BACH2: variants seen among roughly 807,000 people sequenced by gnomAD.
BACH2 encodes transcription regulator protein BACH2.
In BACH2, 5 loss-of-function variants were observed where a neutral mutation model predicts 61.8. The observed-to-expected ratio is 0.08, with a 90% confidence interval of 0.04 to 0.17. The LOEUF is 0.17. Ranked by LOEUF, BACH2 falls within the 10% of genes least tolerant of loss-of-function variation. The pLI is 1.00. For synonymous variants in BACH2, 446 were observed against 440.1 expected (o/e 1.01, Z -0.17); for missense variants, 824 against 1,091.1 (o/e 0.76, Z 3.45).
At chr6:90,094,399 A>G (rs529740079) in intron 4 of BACH2, among the ~76,000 whole-genome samples, 1 of 152,316 alleles carries the variant, frequency 6.6e-6, no homozygotes, top group African/African-American at 2.4e-5. Flanking sequence ...TTACATTACA[A>G]ATCTAATACC....
At chr6:89,968,813 C>A (rs1033578869) in intron 6 of BACH2, among the ~76,000 whole-genome samples, 1 of 152,112 alleles carries the variant, frequency 6.6e-6, no homozygotes, top group East Asian at 1.9e-4. Flanking sequence ...GAATTCCAGA[C>A]CAGCCTGACC....
At chr6:89,943,656 G>A (rs1450211712) in intron 7 of BACH2, among the ~76,000 whole-genome samples, 1 of 152,106 alleles carries the variant, frequency 6.6e-6, no homozygotes, top group Admixed American at 6.5e-5. Context: ...TAGTGTCTCT[G>A]CTTTGCTGGG....
chr6:89,987,123 T>C (rs1025040181), intron 6 of BACH2, among the ~76,000 whole-genome samples: 1 of 152,136 alleles, frequency 6.6e-6, no homozygotes, highest in African/African-American at 2.4e-5. Context: ...GGATCCCAAA[T>C]GATGACCCAG....
chr6:90,170,905 G>T (rs1767789061), intron 4 of BACH2, among the ~76,000 whole-genome samples: 2 of 152,146 alleles, frequency 1.3e-5, no homozygotes, highest in African/African-American at 4.8e-5. Context: ...AGAGAAGTAA[G>T]TAGGTAAGTC....
intron 4 of BACH2, among the ~76,000 whole-genome samples, chr6:90,198,279 G>A (rs923384076): frequency 1.3e-5 from 2 of 152,170 alleles, no homozygotes; most frequent in African/African-American, 4.8e-5. Flanking sequence ...CGTGTGTCCA[G>A]AGAATAAAGC....
intron 4 of BACH2, among the ~76,000 whole-genome samples, chr6:90,174,211 C>T (rs1248553488): frequency 6.6e-6 from 1 of 151,472 alleles, no homozygotes; most frequent in Non-Finnish European, 1.5e-5. Context: ...TAATAATTTC[C>T]AAAGAAAAAT....
intron 7 of BACH2, among the ~76,000 whole-genome samples, chr6:89,946,857 A>G (rs1198787907): frequency 1.3e-5 from 2 of 152,170 alleles, no homozygotes; most frequent in African/African-American, 4.8e-5. Flanking sequence ...TAAAAAGCTG[A>G]TTATTGATAA....
intron 3 of BACH2, among the ~76,000 whole-genome samples, chr6:90,219,041 G>C (rs1182436991): frequency 1.3e-5 from 2 of 151,628 alleles, no homozygotes; most frequent in Admixed American, 1.3e-4. Context: ...GAAAACAGTA[G>C]ACTTCAGTGG....
intron 5 of BACH2, among the ~76,000 whole-genome samples, chr6:90,024,164 C>T (rs1778517799): frequency 1.3e-5 from 2 of 152,058 alleles, no homozygotes; most frequent in South Asian, 4.1e-4. Context: ...TATCCCAGCT[C>T]CCCCAAATTA....
intron 5 of BACH2, among the ~76,000 whole-genome samples, chr6:90,085,921 T>A (rs1017506776): frequency 7.2e-5 from 11 of 152,288 alleles, no homozygotes; most frequent in African/African-American, 2.2e-4. Context: ...GTCATCATCA[T>A]TCATCTCCGG....
chr6:90,202,266 C>T (rs1025730104), intron 4 of BACH2, among the ~76,000 whole-genome samples: 1 of 152,134 alleles, frequency 6.6e-6, no homozygotes, highest in Non-Finnish European at 1.5e-5. Context: ...TTCACAGCTT[C>T]ATATGAAGGA....
At chr6:90,062,029 T>C (rs1241796090) in intron 5 of BACH2, among the ~76,000 whole-genome samples, 2 of 152,188 alleles carry the variant, frequency 1.3e-5, no homozygotes, top group Non-Finnish European at 2.9e-5. Flanking sequence ...TGGGGCAGTA[T>C]TAAAGATTTT....
In BACH2 at chr6:89,933,160, G is replaced by A. The variant is rs575133862; in HGVS notation, c.2044-270C>T. ...GGCAAACAACCGGCAAAATCGTCAC[G>A]AATCAGAAAACTTCAGAGTCCATGT... On this transcript the variant is annotated intron_variant, in intron 8 of 8. Coordinates refer to ENST00000257749, the MANE Select transcript of BACH2 (RefSeq NM_021813.4). Among the ~76,000 whole-genome samples, 11 of 152,156 alleles carry A rather than the reference G, an allele frequency of 7.2e-5. No homozygotes were observed. In the East Asian group the frequency reaches 1.4e-3, roughly 19 times the overall value.
In BACH2 at chr6:90,132,619, C is replaced by T. The variant is rs181738443; in HGVS notation, c.-161-43510G>A. Among the ~76,000 whole-genome samples the T allele has an allele frequency of 3.3e-5, 5 of 152,190 alleles. No individual in the cohort carries two copies. The East Asian group carries it at 9.6e-4, about 29-fold the overall frequency. On this transcript the variant is annotated intron_variant, in intron 4 of 8. Transcript: ENST00000257749. ...ATTTTTGTGCAGGTTCCTCCTCCCA[C>T]CCCTACCGTGGCTACACCATTACAA...
At chr6:90,022,985 T>C (rs567898406) in intron 5 of BACH2, among the ~76,000 whole-genome samples, 1 of 152,346 alleles carries the variant, frequency 6.6e-6, no homozygotes, top group African/African-American at 2.4e-5. Context: ...CGTAGCAGAA[T>C]GCAGAAATAC....
chr6:90,162,036 AC>A (rs1785209300), intron 4 of BACH2, among the ~76,000 whole-genome samples: 1 of 152,028 alleles, frequency 6.6e-6, no homozygotes, highest in South Asian at 2.1e-4. Context: ...CCTGAGCCGG[AC>A]CCAACAATGC....
intron 4 of BACH2, among the ~76,000 whole-genome samples, chr6:90,171,126 C>G (rs1181096809): frequency 6.6e-6 from 1 of 151,936 alleles, no homozygotes; most frequent in African/African-American, 2.4e-5. Context: ...AATACAAAGC[C>G]CAGGCTGGGT....
At chr6:90,261,056 C>T (rs1359211165) in intron 2 of BACH2, among the ~76,000 whole-genome samples, 1 of 152,188 alleles carries the variant, frequency 6.6e-6, no homozygotes, top group Admixed American at 6.5e-5. Context: ...AGCAGTTGGG[C>T]CATCAGTCAA....
intron 6 of BACH2, among the ~76,000 whole-genome samples, chr6:89,970,859 T>A (rs1286967049): frequency 6.6e-6 from 1 of 152,164 alleles, no homozygotes; most frequent in African/African-American, 2.4e-5. Flanking sequence ...TATTTCTATA[T>A]CTGGGTCGCA....
Sources: allele counts gnomAD v4.1 joint callset (sites outside exome capture counted in the v4.1 genomes callset), GRCh38; gene constraint gnomAD v4.1.1; transcripts MANE v1.5; gene names NCBI Gene and HGNC (gene_info 2026-07-23, HGNC 2026-07-21).